The following CFAP46 variants were observed in gnomAD, a reference collection of about 807,000 sequenced individuals.
CFAP46 encodes cilia and flagella associated protein 46.
CFAP46 carries 245 observed loss-of-function variants against 325.7 expected under a neutral mutation model. That is an observed-to-expected ratio of 0.75 (90% CI 0.68 to 0.84). The LOEUF (loss-of-function observed/expected upper bound fraction) is 0.84. Ranked by LOEUF, CFAP46 falls within the 40% of genes least tolerant of loss-of-function variation. The pLI, the probability that CFAP46 is intolerant of heterozygous loss-of-function variation, is 0.00. For missense variants in CFAP46, 3,346 were observed against 3,543.0 expected (o/e 0.94, Z 1.41); for synonymous variants, 1,523 against 1,495.9 (o/e 1.02, Z -0.42).
At position 132,808,839 on chromosome 10, in the gene CFAP46, T is replaced by C. The variant is rs573234323; in HGVS notation, c.7730A>G (p.His2577Arg). ...AAPKLRAPSH[H>R]AQLGPVWAAA... ...AGCCCATACAGGACCAAGTTGAGCGTGGTGGGAAGGAGCTCGGAGCTTTGG... is the reference window on the plus strand; with the variant it reads ...AGCCCATACAGGACCAAGTTGAGCGCGGTGGGAAGGAGCTCGGAGCTTTGG... The change falls in exon 58 of 58, where the codon CAC becomes CGC. Residue 2577 changes from histidine to arginine, a missense_variant. Physicochemically the swap from His to Arg is conservative, Grantham distance 29. Transcript: ENST00000368586. This position sits in a 1 kb window ranked among gnomAD's most constrained non-coding sequence, Gnocchi z 6.8. 18 of 1,605,256 alleles carry C rather than the reference T, an allele frequency of 1.1e-5. No individual in the cohort carries two copies. In the South Asian group the frequency reaches 2.0e-4, roughly 18 times the overall value.
At chr10:132,822,265 G>GTGTGTGC (rs1158810625) in intron 50 of CFAP46, among the ~76,000 whole-genome samples, 1 of 64,588 alleles carries the variant, frequency 1.5e-5, no homozygotes, top group Admixed American at 2.4e-4. Flanking sequence ...TGTGTGCTGT[G>GTGTGTGC]TGTGTGCTGT....
intron 7 of CFAP46, among the ~76,000 whole-genome samples, chr10:132,935,656 C>T (rs868773180): frequency 1.2e-4 from 17 of 140,818 alleles, no homozygotes; most frequent in South Asian, 4.6e-4. Flanking sequence ...CCCCTCAGCA[C>T]CCAAACACAC....
intron 38 of CFAP46, among the ~76,000 whole-genome samples, chr10:132,858,611 C>T (rs1285802999): frequency 6.6e-6 from 1 of 152,040 alleles, no homozygotes; most frequent in Non-Finnish European, 1.5e-5. Context: ...GCTACAGAGC[C>T]ATGCAGGGCA....
chr10:132,808,850 A>C lies in CFAP46; in HGVS notation c.7719T>G (p.Ala2573=). The part of the protein sequence containing the change: ...GQAAAAPKLR[A]PSHHAQLGPV... ...GACCAAGTTGAGCGTGGTGGGAAGG[A>C]GCTCGGAGCTTTGGAGCAGCAGCAG... is the stretch of plus-strand genomic sequence containing the variant. The change falls in exon 58 of 58, where the codon GCT becomes GCG. Residue 2573 remains alanine, a synonymous_variant. Coordinates refer to ENST00000368586, the MANE Select transcript of CFAP46 (RefSeq NM_001200049.3). The surrounding 1 kb of genome is among the most constrained non-coding windows in gnomAD (Gnocchi z 6.8). 6.2e-7 allele frequency: 1 copy of C among 1,602,360 alleles called. No homozygotes were observed. The highest frequency in any genetic ancestry group is 8.5e-7 in the Non-Finnish European group (1 of 1,171,696).
Position 132,860,485 on chromosome 10 carries a change from CT to C in CFAP46, c.5129del (p.Lys1710ArgfsTer17). 6.4e-7 allele frequency: 1 copy of C among 1,551,168 alleles called. No individual in the cohort carries two copies. The highest frequency in any genetic ancestry group is 8.7e-7 in the Non-Finnish European group (1 of 1,147,120). The stretch of plus-strand genomic sequence containing the variant: ...GGTTTGGTCTTTCTTTCTTGAGGAT[CT>C]TGAAGGCATTGATGAGCTTCTGAAA... ...HIFQKLINAF[K>X]ILKKERPNRL... On this transcript the variant is annotated frameshift_variant, in exon 37 of 58. Transcript: ENST00000368586. LOFTEE classifies it high-confidence loss of function.
intron 35 of CFAP46, among the ~76,000 whole-genome samples, chr10:132,864,675 C>T (rs1189071910): frequency 6.8e-4 from 77 of 113,054 alleles, no homozygotes; most frequent in East Asian, 1.7e-3. Context: ...CCCCAGTGCC[C>T]GAGACCTGCA....
intron 6 of CFAP46, 171 bp downstream of exon 6, chr10:132,937,381 T>C (rs770429264): frequency 4.1e-6 from 3 of 737,764 alleles, no homozygotes; most frequent in East Asian, 2.7e-5. Context: ...CATCTTTGCA[T>C]TGGATGAACT....
At chr10:132,879,773 C>T in intron 28 of CFAP46, 142 bp from the exon 29 acceptor site, 7 of 843,282 alleles carry the variant, frequency 8.3e-6, no homozygotes, top group Non-Finnish European at 1.0e-5. Flanking sequence ...TGAGGGCCGG[C>T]AGCCAGGGGA....
At chr10:132,821,380 GCA>G (rs1349685576) in intron 50 of CFAP46, among the ~76,000 whole-genome samples, 6 of 136,732 alleles carry the variant, frequency 4.4e-5, no homozygotes, top group African/African-American at 8.8e-5. Flanking sequence ...TGCTGTGTGT[GCA>G]CTGATGTGTG....
At chr10:132,854,633 G>A (rs754851439) in intron 39 of CFAP46, among the ~76,000 whole-genome samples, 22 of 152,026 alleles carry the variant, frequency 1.4e-4, no homozygotes, top group Non-Finnish European at 2.5e-4. Context: ...CACTGTGCCC[G>A]GCCAGCTTTC....
At chr10:132,836,788 G>T (rs748820714) in intron 45 of CFAP46, 29 bp downstream of exon 45, 16 of 1,586,576 alleles carry the variant, frequency 1.0e-5, no homozygotes, top group African/African-American at 9.4e-5. Flanking sequence ...CGGGCTGGGG[G>T]CGGCCTCAAC....
chr10:132,829,562 G>A (rs1379347613), intron 50 of CFAP46, among the ~76,000 whole-genome samples: 6 of 152,200 alleles, frequency 3.9e-5, no homozygotes, highest in African/African-American at 1.4e-4. Context: ...GGGATCTCCA[G>A]CGTGGTGCTG....
At chr10:132,927,460 G>A (rs758945071) in intron 9 of CFAP46, among the ~76,000 whole-genome samples, 3 of 152,124 alleles carry the variant, frequency 2.0e-5, no homozygotes, top group African/African-American at 4.8e-5. Flanking sequence ...GGAAGTACCC[G>A]CAGCACCTCG....
chr10:132,816,205 G>A (rs1422621338), intron 50 of CFAP46, among the ~76,000 whole-genome samples: 3 of 151,586 alleles, frequency 2.0e-5, no homozygotes, highest in African/African-American at 7.3e-5. Context: ...CGTTAGCGCT[G>A]TGTCTTTCCG....
chr10:132,856,774 A>C (rs1848648363), intron 39 of CFAP46, among the ~76,000 whole-genome samples: 1 of 152,292 alleles, frequency 6.6e-6, no homozygotes, highest in South Asian at 2.1e-4. Flanking sequence ...TTGATCAATT[A>C]TTCTTCCTAA....
At chr10:132,923,376 C>G (rs532670911) in intron 11 of CFAP46, among the ~76,000 whole-genome samples, 2 of 137,980 alleles carry the variant, frequency 1.4e-5, no homozygotes, top group East Asian at 4.4e-4. Flanking sequence ...CCTGGAACCC[C>G]TGGCCTCGAG....
chr10:132,850,280 A>G lies in CFAP46; in HGVS notation c.5916T>C (p.Pro1972=). The part of the protein sequence containing the change: ...ALHLLAMQAD[P]VHPTCYWEAG... ...CCTCCCAGTAGCAGGTAGGGTGCAC[A>G]GGGTCAGCTTGCATGGCCAGCAGGT... Residue 1972 remains proline, a synonymous_variant, in exon 41 of 58, where the codon CCT becomes CCC. Coordinates refer to ENST00000368586, the MANE Select transcript of CFAP46 (RefSeq NM_001200049.3). 2.6e-6 allele frequency: 4 copies of G among 1,550,842 alleles called. No individual in the cohort carries two copies. The highest frequency in any genetic ancestry group is 2.6e-6 in the Non-Finnish European group (3 of 1,147,010).
At chr10:132,923,834 G>A (rs923625053) in intron 11 of CFAP46, among the ~76,000 whole-genome samples, 1 of 152,100 alleles carries the variant, frequency 6.6e-6, no homozygotes, top group African/African-American at 2.4e-5. Context: ...CTAAGTTAAG[G>A]GTGCATGTTC....
At chr10:132,887,956 G>GCTCCTCTCCT (rs1564791000) in intron 25 of CFAP46, among the ~76,000 whole-genome samples, 7 of 21,090 alleles carry the variant, frequency 3.3e-4, no homozygotes, top group African/African-American at 1.5e-3. Context: ...CTCTCTCTCC[G>GCTCCTCTCCT]CTCCTCTCTC....
Sources: gnomAD v4.1 joint callset for allele counts (sites outside exome capture counted in the v4.1 genomes callset) on GRCh38, gnomAD v4.1.1 for gene constraint, Gnocchi (gnomAD v3.1) non-coding constraint, MANE v1.5 for transcripts, NCBI Gene and HGNC (gene_info 2026-07-23, HGNC 2026-07-21) for gene names.